Variants in JARID2 observed in about 807,000 individuals in gnomAD.
JARID2 encodes jumonji and AT-rich interaction domain containing 2, also known as protein Jumonji.
In JARID2, 21 loss-of-function variants were observed where a neutral mutation model predicts 125.6. The ratio of observed to expected loss-of-function variants is 0.17; its 90% CI spans 0.12 to 0.24. The LOEUF (loss-of-function observed/expected upper bound fraction) is 0.24, where lower values mean the gene tolerates loss of function less well. Ranked by LOEUF, JARID2 falls within the 10% of genes least tolerant of loss-of-function variation. The pLI, the probability that JARID2 is intolerant of heterozygous loss-of-function variation, is 1.00. For synonymous variants in JARID2, 736 were observed against 661.6 expected (o/e 1.11, Z -1.73); for missense variants, 1,303 against 1,639.6 (o/e 0.79, Z 3.55).
chr6:15,280,982 A>C (rs972973977), intron 1 of JARID2, among the ~76,000 whole-genome samples: 5 of 152,238 alleles, frequency 3.3e-5, no homozygotes, highest in Admixed American at 3.3e-4. Context: ...TATGCTGCAA[A>C]ATACGCTTGC....
chr6:15,498,108 A>G lies in JARID2; in HGVS notation c.1945+938A>G, dbSNP rs529684972. Among the ~76,000 whole-genome samples, 10 of 152,276 alleles carry G rather than the reference A, an allele frequency of 6.6e-5. No individual in the cohort carries two copies. The South Asian group carries it at 1.9e-3, about 28-fold the overall frequency. The stretch of plus-strand genomic sequence containing the variant: ...TTCAACATATGAATTTGGAGGGATC[A>G]CCATGCAGCCCATAGCCCTCTAGGG... On this transcript the variant is annotated intron_variant, in intron 7 of 17. Transcript: ENST00000341776.
rs1771361836 is a variant in JARID2 at position 15,513,172 on chromosome 6, TG to T, written c.3267-66del. On this transcript the variant is annotated intron_variant, in intron 15 of 17. Coordinates refer to ENST00000341776, the MANE Select transcript of JARID2 (RefSeq NM_004973.4). ...CAGGGAGGCCGGTGTGGGGTGCGTG[TG>T]TCCCCTCTGCTGGTGAGCATGGCAG... 7.7e-6 allele frequency: 12 copies of T among 1,564,736 alleles called. No homozygotes were observed. The South Asian group carries it at 1.3e-4, about 17-fold the overall frequency.
chr6:15,449,497 CAGCAA>C (rs1387632290), intron 3 of JARID2, among the ~76,000 whole-genome samples: 15 of 151,620 alleles, frequency 9.9e-5, no homozygotes, highest in African/African-American at 3.6e-4. Flanking sequence ...AAAAAAAACC[CAGCAA>C]CAGCAACAAG....
chr6:15,323,971 A>G (rs901306973), intron 1 of JARID2, among the ~76,000 whole-genome samples: 62 of 151,938 alleles, frequency 4.1e-4, no homozygotes, highest in Admixed American at 1.4e-3. Context: ...TCACAAGGTC[A>G]GCAGATCGAG....
intron 8 of JARID2, among the ~76,000 whole-genome samples, chr6:15,503,679 C>G (rs1770853675): frequency 6.6e-6 from 1 of 152,184 alleles, no homozygotes; most frequent in East Asian, 1.9e-4. Context: ...AGGATTTGAC[C>G]TAGTACACCA....
chr6:15,281,510 T>G (rs1760748483), intron 1 of JARID2, among the ~76,000 whole-genome samples: 1 of 152,252 alleles, frequency 6.6e-6, no homozygotes, highest in Non-Finnish European at 1.5e-5. Context: ...CACATCCTTC[T>G]AGCCTTTCTG....
At chr6:15,388,465 G>C (rs1026789473) in intron 2 of JARID2, among the ~76,000 whole-genome samples, 2 of 151,784 alleles carry the variant, frequency 1.3e-5, no homozygotes, top group Non-Finnish European at 1.5e-5. Flanking sequence ...TGTTTCTGTA[G>C]AGTCCCAGAT....
intron 5 of JARID2, among the ~76,000 whole-genome samples, 197 bp from the exon 6 acceptor site, chr6:15,487,110 G>T (rs942534592): frequency 1.3e-5 from 2 of 152,064 alleles, no homozygotes; most frequent in African/African-American, 2.4e-5. Flanking sequence ...TCATGAGAAC[G>T]CACTTGTTAT....
chr6:15,281,924 CTGTGTGTGTGTGTG>C (rs3138771), intron 1 of JARID2, among the ~76,000 whole-genome samples: 76 of 146,264 alleles, frequency 5.2e-4, no homozygotes, highest in Non-Finnish European at 9.0e-4. Flanking sequence ...GGTATGTGCT[CTGTGTGTGTGTGTG>C]TGTGTGTGTG....
At chr6:15,295,108 C>CTTTTT (rs57350640) in intron 1 of JARID2, among the ~76,000 whole-genome samples, 1 of 142,212 alleles carries the variant, frequency 7.0e-6, no homozygotes, top group Non-Finnish European at 1.5e-5. Context: ...TGTGTCATTT[C>CTTTTT]TTTTTTTTTT....
At chr6:15,293,735 A>G (rs910816973) in intron 1 of JARID2, among the ~76,000 whole-genome samples, 1 of 152,182 alleles carries the variant, frequency 6.6e-6, no homozygotes, top group African/African-American at 2.4e-5. Context: ...CGGATTTCTC[A>G]CTTTCTGTGG....
chr6:15,257,626 G>T (rs1268094936), intron 1 of JARID2, among the ~76,000 whole-genome samples: 1 of 152,152 alleles, frequency 6.6e-6, no homozygotes, highest in Non-Finnish European at 1.5e-5. Flanking sequence ...AATTCTTACT[G>T]TGAAATTACT....
intron 1 of JARID2, among the ~76,000 whole-genome samples, chr6:15,307,007 C>T (rs1309688362): frequency 2.0e-5 from 3 of 149,946 alleles, no homozygotes; most frequent in Admixed American, 6.6e-5. Context: ...TTTGGGAGGC[C>T]GAGGTAGGCG....
At chr6:15,311,036 C>T (rs1761991644) in intron 1 of JARID2, among the ~76,000 whole-genome samples, 1 of 152,106 alleles carries the variant, frequency 6.6e-6, no homozygotes, top group Non-Finnish European at 1.5e-5. Context: ...ATTTTAGTTC[C>T]AGGGCTAACA....
At chr6:15,327,278 C>G (rs562927091) in intron 1 of JARID2, among the ~76,000 whole-genome samples, 57 of 152,188 alleles carry the variant, frequency 3.7e-4, no homozygotes, top group African/African-American at 1.3e-3. Flanking sequence ...CGGTCTTGCC[C>G]TGTCACCCAG....
chr6:15,288,754 A>G lies in JARID2; in HGVS notation c.45+42170A>G, dbSNP rs191508150. The stretch of plus-strand genomic sequence containing the variant: ...GGAGTTCCCTCCTAAGACCCCTTTG[A>G]GCTTCTATTGAAGTCTTTTTCTTCT... On this transcript the variant is annotated intron_variant, in intron 1 of 17. Coordinates refer to ENST00000341776, the MANE Select transcript of JARID2 (RefSeq NM_004973.4). Among the ~76,000 whole-genome samples, 399 of 152,274 alleles carry G rather than the reference A, an allele frequency of 2.6e-3. 1 individual carries two copies. Among genetic ancestry groups the G allele is most frequent in the African/African-American group, 9.3e-3 (386 of 41,546 alleles).
intron 3 of JARID2, among the ~76,000 whole-genome samples, chr6:15,444,077 T>TC (rs1159243892): frequency 1.3e-5 from 2 of 152,192 alleles, no homozygotes; most frequent in Non-Finnish European, 2.9e-5. Context: ...TCCATCAGTT[T>TC]ATGTGTAAAG....
intron 1 of JARID2, among the ~76,000 whole-genome samples, chr6:15,351,516 C>G (rs2127482196): frequency 6.6e-6 from 1 of 152,214 alleles, no homozygotes; most frequent in Non-Finnish European, 1.5e-5. Flanking sequence ...CTTTCTGGGT[C>G]CCACTTTCCT....
At chr6:15,264,631 G>GTGTGTGTT (rs1168807801) in intron 1 of JARID2, among the ~76,000 whole-genome samples, 1 of 151,434 alleles carries the variant, frequency 6.6e-6, no homozygotes, top group Non-Finnish European at 1.5e-5. Context: ...GTGTGTGTGT[G>GTGTGTGTT]TGTGTGTGTG....
Sources: gnomAD v4.1 joint callset for allele counts (sites outside exome capture counted in the v4.1 genomes callset) on GRCh38, gnomAD v4.1.1 for gene constraint, MANE v1.5 for transcripts, NCBI Gene and HGNC (gene_info 2026-07-23, HGNC 2026-07-21) for gene names.